The following DNMT3A variants were observed in gnomAD, a reference collection of about 807,000 sequenced individuals.
DNMT3A encodes DNA (cytosine-5)-methyltransferase 3A.
A neutral mutation model predicts 117.6 loss-of-function variants in DNMT3A; 267 were observed. That is an observed-to-expected ratio of 2.27 (90% CI 2.05 to 2.51). DNMT3A has a LOEUF of 2.51. Ranked by LOEUF, DNMT3A falls within the 30% of genes most tolerant of loss-of-function variation. DNMT3A has a pLI of 0.00. For synonymous variants in DNMT3A, 432 were observed against 474.8 expected (o/e 0.91, Z 1.17); for missense variants, 1,029 against 1,260.2 (o/e 0.82, Z 2.78).
intron 3 of DNMT3A, 74 bp downstream of exon 3, chr2:25,300,065 T>C: frequency 6.7e-6 from 10 of 1,488,602 alleles, no homozygotes; most frequent in Non-Finnish European, 9.1e-6. Context: ...AGGACATACA[T>C]CACTGCCATC....
rs1489382817 is a variant in DNMT3A, at chr2:25,252,163, G to A, written c.640-3911C>T. The A allele has an allele frequency of 6.4e-7, 1 of 1,556,656 alleles. No individual in the cohort carries two copies. ...CCGGCCCTGCCGCCTCCCCGCCCCC[G>A]GTCTCCCCGGGGCTCCGTCCAGGAA... On this transcript the variant is annotated intron_variant, in intron 6 of 22. Transcript: ENST00000321117. The surrounding 1 kb of genome is among the most constrained non-coding windows in gnomAD (Gnocchi z 5.5).
chr2:25,270,510 G>A (rs935264764), intron 6 of DNMT3A, among the ~76,000 whole-genome samples: 2 of 152,234 alleles, frequency 1.3e-5, no homozygotes, highest in Non-Finnish European at 2.9e-5. Context: ...ATTAGGAAGC[G>A]CTGGCTGGCC....
Position 25,244,199 on chromosome 2 carries a change from AGGGCCAG to A in DNMT3A, c.1800_1806del (p.Trp601ProfsTer48). 1 of 1,613,910 alleles carries A rather than the reference AGGGCCAG, an allele frequency of 6.2e-7. No homozygotes were observed. The highest frequency in any genetic ancestry group is 8.5e-7 in the Non-Finnish European group (1 of 1,180,038). On this transcript the variant is annotated frameshift_variant, in exon 15 of 23. Transcript: ENST00000321117. LOFTEE classifies it high-confidence loss of function. ...TTAGCGAAGAACATCTGGAGCCGGG[AGGGCCAG>A]TCCTCTCGCCGCCGCAGCAGCCCGT...
At position 25,246,679 on chromosome 2, in the gene DNMT3A, A is replaced by T; in HGVS notation, c.1220T>A (p.Ile407Asn). Residue 407 changes from isoleucine (I) to asparagine (N), a missense_variant, in exon 10 of 23, where the codon ATT becomes AAT. Coordinates refer to ENST00000321117, the MANE Select transcript of DNMT3A (RefSeq NM_022552.5). The part of the protein sequence containing the change: ...KAVEVQNKPM[I>N]EWALGGFQPS... ...CTGGAAGCCCCCCAGGGCCCATTCA[A>T]TCATGGGCTTGTTCTGCACCTCCAC... The T allele has an allele frequency of 6.2e-7, 1 of 1,613,588 alleles. No homozygotes were observed. The highest frequency in any genetic ancestry group is 8.5e-7 in the Non-Finnish European group (1 of 1,179,980).
chr2:25,314,440 C>G (rs1260272081), intron 1 of DNMT3A: 1 of 985,282 alleles, frequency 1.0e-6, no homozygotes. Context: ...TCCGCCTCCT[C>G]CCTTCTCTTC....
intron 1 of DNMT3A, among the ~76,000 whole-genome samples, chr2:25,328,075 C>G (rs893967258): frequency 4.6e-5 from 7 of 152,354 alleles, no homozygotes; most frequent in Admixed American, 2.0e-4. Flanking sequence ...GGATTGCCCA[C>G]ACATGGCTCC....
In DNMT3A at chr2:25,229,742, A is replaced by G. The variant is rs1672798730; in HGVS notation, c.*4537T>C. 6.6e-6 allele frequency: 1 copy of G among 152,286 alleles called. No homozygotes were observed. The highest frequency in any genetic ancestry group is 2.4e-5 in the African/African-American group (1 of 41,460). The allele number at this position is 152,286 out of a possible 1,614,324, so 9.4% of individuals were successfully genotyped here. A position where few individuals can be genotyped will look rare whatever the true frequency, so the allele number is the denominator to read the frequency against. On this transcript the variant is annotated 3_prime_UTR_variant, in exon 23 of 23. Coordinates refer to ENST00000321117, the MANE Select transcript of DNMT3A (RefSeq NM_022552.5). ...CTTGGGGCCACTGCAACTCCGCACCAAGCAGAGTAGCAACAGGAATTCAAA... is the reference window on the plus strand; with the variant it reads ...CTTGGGGCCACTGCAACTCCGCACCGAGCAGAGTAGCAACAGGAATTCAAA...
rs1199134366 is a variant in DNMT3A at position 25,237,087 on chromosome 2, C to T, written c.2409-82G>A. 1.1e-5 allele frequency: 15 copies of T among 1,396,140 alleles called. No individual in the cohort carries two copies. Among genetic ancestry groups the T allele is most frequent in the Non-Finnish European group, 1.5e-5 (15 of 1,004,078 alleles). The allele number at this position is 1,396,140 out of a possible 1,614,324, so 86.5% of individuals were successfully genotyped here. On this transcript the variant is annotated intron_variant, in intron 20 of 22. Coordinates refer to ENST00000321117, the MANE Select transcript of DNMT3A (RefSeq NM_022552.5). The surrounding 1 kb of genome is among the most constrained non-coding windows in gnomAD (Gnocchi z 5.4). ...CCCAGCTGCACGACTCCCCTCCCTC[C>T]CCCAGCAGCCACTAGTTCACAGGGT...
intron 1 of DNMT3A, among the ~76,000 whole-genome samples, chr2:25,331,053 T>A (rs944535071): frequency 6.6e-6 from 1 of 152,112 alleles, no homozygotes; most frequent in South Asian, 2.1e-4. Flanking sequence ...GGAAAAAATA[T>A]CCAGGTTTAG....
intron 1 of DNMT3A, among the ~76,000 whole-genome samples, chr2:25,320,511 G>GA (rs2034550245): frequency 6.6e-6 from 1 of 150,858 alleles, no homozygotes; most frequent in African/African-American, 2.4e-5. Flanking sequence ...CAGTTAAAAA[G>GA]AAAAAAAGAA....
chr2:25,304,818 C>G lies in DNMT3A; in HGVS notation c.73-4575G>C, dbSNP rs764637296. Among the ~76,000 whole-genome samples, 6 of 152,232 alleles carry G rather than the reference C, an allele frequency of 3.9e-5. No homozygotes were observed. Among genetic ancestry groups the G allele is most frequent in the Non-Finnish European group, 8.8e-5 (6 of 68,044 alleles). On this transcript the variant is annotated intron_variant, in intron 2 of 22. Transcript: ENST00000321117. The surrounding 1 kb of genome is among the most constrained non-coding windows in gnomAD (Gnocchi z 4.3). ...GGCATAGACTGTTCTTCTGACCACA[C>G]CACCTTCCCCTCAGGTTTATCAGCA... is the stretch of plus-strand genomic sequence containing the variant.
At chr2:25,249,683 G>A (rs151168784) in intron 6 of DNMT3A, 134 of 1,614,012 alleles carry the variant, frequency 8.3e-5, no homozygotes, top group Non-Finnish European at 1.1e-4. Context: ...TTCAGGCTAC[G>A]ATCCACGCGC....
At position 25,245,393 on chromosome 2, in the gene DNMT3A, C is replaced by A. The variant is rs370954207; in HGVS notation, c.1475-61G>T. On this transcript the variant is annotated intron_variant, in intron 12 of 22. Transcript: ENST00000321117. ...CCGAAGGGCCTCTCCCTCCCCGGGCCGGAGCCCAGCACCAGACCAGCCACA... is the reference window on the plus strand; with the variant it reads ...CCGAAGGGCCTCTCCCTCCCCGGGCAGGAGCCCAGCACCAGACCAGCCACA... 190 of 1,480,572 alleles carry A rather than the reference C, an allele frequency of 1.3e-4. 3 individuals carry two copies. The East Asian group carries it at 2.1e-3, about 16-fold the overall frequency. The allele number at this position is 1,480,572 out of a possible 1,614,324, so 91.7% of individuals were successfully genotyped here. A position where few individuals can be genotyped will look rare whatever the true frequency, so the allele number is the denominator to read the frequency against.
intron 6 of DNMT3A, among the ~76,000 whole-genome samples, chr2:25,253,151 C>T (rs1051749824): frequency 1.3e-5 from 2 of 152,102 alleles, no homozygotes; most frequent in Admixed American, 6.5e-5. Flanking sequence ...CCTCCAGGTG[C>T]GGCCTCCAGG....
In DNMT3A at chr2:25,243,266, C is replaced by G. The variant is rs1182330913; in HGVS notation, c.1936+632G>C. Among the ~76,000 whole-genome samples, 4 of 149,714 alleles carry G rather than the reference C, an allele frequency of 2.7e-5. No homozygotes were observed. The East Asian group carries it at 7.8e-4, about 29-fold the overall frequency. On this transcript the variant is annotated intron_variant, in intron 16 of 22. Coordinates refer to ENST00000321117, the MANE Select transcript of DNMT3A (RefSeq NM_022552.5). The stretch of plus-strand genomic sequence containing the variant: ...GTTGCAGTGGGCCAAGATGGCACCA[C>G]TGCACTCCAGCCTGGGCAACAGACT...
At chr2:25,264,847 AT>A (rs1311388438) in intron 6 of DNMT3A, among the ~76,000 whole-genome samples, 7 of 152,292 alleles carry the variant, frequency 4.6e-5, no homozygotes, top group Non-Finnish European at 8.8e-5. Flanking sequence ...CAAATATTTA[AT>A]TTAGAATTTA....
chr2:25,255,639 A>G (rs1676042425), intron 6 of DNMT3A, among the ~76,000 whole-genome samples: 1 of 152,212 alleles, frequency 6.6e-6, no homozygotes, highest in Non-Finnish European at 1.5e-5. Flanking sequence ...TCCTGTATTC[A>G]TCAAGCAAAC....
chr2:25,230,418 C>G lies in DNMT3A; in HGVS notation c.*3861G>C, dbSNP rs1396804706. 1 of 152,274 alleles carries G rather than the reference C, an allele frequency of 6.6e-6. No homozygotes were observed. Among genetic ancestry groups the G allele is most frequent in the Non-Finnish European group, 1.5e-5 (1 of 68,074 alleles). The allele number at this position is 152,274 out of a possible 1,614,324, so 9.4% of individuals were successfully genotyped here. A position where few individuals can be genotyped will look rare whatever the true frequency, so the allele number is the denominator to read the frequency against. On this transcript the variant is annotated 3_prime_UTR_variant, in exon 23 of 23. Transcript: ENST00000321117. ...CACGGATCTCTTTGGCATCATGCGC[C>G]ACCTGGCACCTGCAGGGGAAGCTGT...
At chr2:25,326,104 A>ATG (rs1218749742) in intron 1 of DNMT3A, among the ~76,000 whole-genome samples, 89 of 110,000 alleles carry the variant, frequency 8.1e-4, no homozygotes, top group African/African-American at 3.6e-3. Context: ...TTAACTTGAT[A>ATG]TATATGTGTG....
Sources: allele counts gnomAD v4.1 joint callset (sites outside exome capture counted in the v4.1 genomes callset), GRCh38; gene constraint gnomAD v4.1.1; non-coding constraint Gnocchi (gnomAD v3.1); transcripts MANE v1.5; gene names NCBI Gene and HGNC (gene_info 2026-07-23, HGNC 2026-07-21).